The following SLC16A7 variants were observed in gnomAD, a reference collection of about 807,000 sequenced individuals.
SLC16A7 encodes monocarboxylate transporter 2.
Under a neutral mutation model 34.9 loss-of-function variants are expected in SLC16A7, and 33 were observed. The observed-to-expected ratio is 0.94, with a 90% CI of 0.72 to 1.26. SLC16A7 has a LOEUF of 1.26. Among genes scored for constraint, SLC16A7 ranks in the 50% most tolerant of loss-of-function variants. The pLI is 0.00. For missense variants in SLC16A7, 573 were observed against 578.1 expected, an observed-to-expected ratio of 0.99 and a Z score of 0.09; for synonymous variants, 201 against 206.6, an observed-to-expected ratio of 0.97 and a Z score of 0.23.
At chr12:59,671,345 A>G (rs897239293) in intron 2 of SLC16A7, among the ~76,000 whole-genome samples, 1 of 152,142 alleles carries the variant, frequency 6.6e-6, no homozygotes, top group Non-Finnish European at 1.5e-5. Context: ...CATTCTATGA[A>G]TATGTATACT....
chr12:59,771,262 G>A lies in SLC16A7; in HGVS notation c.261G>A (p.Pro87=), dbSNP rs150664550. The A allele has an allele frequency of 3.6e-5, 58 of 1,613,224 alleles. No individual in the cohort carries two copies. The highest frequency in any genetic ancestry group is 1.2e-4 in the Admixed American group (7 of 59,906). ...TGGTGAATAAATACGGCAGCCGGCCGGTGGTGATAGCAGGAGGCTTATTAT... is the reference window on the plus strand; with the variant it reads ...TGGTGAATAAATACGGCAGCCGGCCAGTGGTGATAGCAGGAGGCTTATTAT... The part of the protein sequence containing the change: ...SVLVNKYGSR[P]VVIAGGLLCC... Residue 87 remains proline, a synonymous_variant, in exon 4 of 6, where the codon CCG becomes CCA. Coordinates refer to ENST00000547379, the MANE Select transcript of SLC16A7 (RefSeq NM_001270623.2).
At chr12:59,687,569 G>T (rs1486632671) in intron 2 of SLC16A7, among the ~76,000 whole-genome samples, 1 of 151,986 alleles carries the variant, frequency 6.6e-6, no homozygotes, top group Non-Finnish European at 1.5e-5. Flanking sequence ...TTTGTTTTAT[G>T]CACCCTAGCT....
At chr12:59,723,933 A>G (rs144488191) in intron 3 of SLC16A7, among the ~76,000 whole-genome samples, 241 of 152,056 alleles carry the variant, frequency 1.6e-3, no homozygotes, top group African/African-American at 5.6e-3. Flanking sequence ...TATTTTACCA[A>G]TTTTCATCTT....
chr12:59,688,523 A>G (rs560493450), intron 2 of SLC16A7, among the ~76,000 whole-genome samples: 3 of 152,218 alleles, frequency 2.0e-5, no homozygotes, highest in East Asian at 1.9e-4. Context: ...GTGAAAATGC[A>G]TATTAAATTG....
chr12:59,669,059 A>G (rs554431722), intron 2 of SLC16A7, among the ~76,000 whole-genome samples: 317 of 152,234 alleles, frequency 2.1e-3, no homozygotes, highest in Non-Finnish European at 3.8e-3. Flanking sequence ...CCAGTCTTGA[A>G]TGTGTCTTTA....
chr12:59,612,755 G>A (rs536724154), intron 1 of SLC16A7, among the ~76,000 whole-genome samples: 15 of 152,156 alleles, frequency 9.9e-5, no homozygotes, highest in Non-Finnish European at 1.6e-4. Context: ...AGGGGCAAAT[G>A]CTACCAGTCT....
chr12:59,699,531 C>A (rs943643625), intron 2 of SLC16A7, among the ~76,000 whole-genome samples: 1 of 151,618 alleles, frequency 6.6e-6, no homozygotes, highest in Non-Finnish European at 1.5e-5. Flanking sequence ...TAATTCCTGT[C>A]CAGTATCTCT....
chr12:59,693,786 C>T (rs1871947522), intron 2 of SLC16A7, among the ~76,000 whole-genome samples: 2 of 151,730 alleles, frequency 1.3e-5, no homozygotes, highest in South Asian at 2.1e-4. Flanking sequence ...GGAATAAAAT[C>T]GAAGAAGTAT....
chr12:59,650,880 A>G (rs1302460824), intron 1 of SLC16A7, among the ~76,000 whole-genome samples: 1 of 152,168 alleles, frequency 6.6e-6, no homozygotes, highest in Admixed American at 6.6e-5. Context: ...TCTTAATTGT[A>G]TGTAAAAATA....
At chr12:59,672,815 G>A (rs1870000276) in intron 2 of SLC16A7, among the ~76,000 whole-genome samples, 1 of 152,024 alleles carries the variant, frequency 6.6e-6, no homozygotes, top group Non-Finnish European at 1.5e-5. Context: ...ATATGCATTG[G>A]ATTCTAATTG....
intron 1 of SLC16A7, among the ~76,000 whole-genome samples, chr12:59,636,009 A>T: frequency 6.6e-6 from 1 of 151,942 alleles, no homozygotes; most frequent in African/African-American, 2.4e-5. Context: ...CTGTAAAAAA[A>T]AAAAAAAAAA....
chr12:59,731,570 A>C (rs1437121919), intron 3 of SLC16A7, among the ~76,000 whole-genome samples: 1 of 152,180 alleles, frequency 6.6e-6, no homozygotes, highest in East Asian at 1.9e-4. Flanking sequence ...AAGAACTTTG[A>C]ATTTAAAATA....
rs1387419561 is a variant in SLC16A7 at position 59,780,389 on chromosome 12, G to C, written c.*710G>C. The C allele has an allele frequency of 6.6e-6, 1 of 151,938 alleles. No individual in the cohort carries two copies. Among genetic ancestry groups the C allele is most frequent in the Non-Finnish European group, 1.5e-5 (1 of 67,958 alleles). 9.4% of individuals were successfully genotyped at this position (151,938 alleles called of 1,614,324 possible). The stretch of plus-strand genomic sequence containing the variant: ...TATTTGCATATATAAGTTTGACAAA[G>C]AAAAGAAAATCAATGTTAAACCATT... On this transcript the variant is annotated 3_prime_UTR_variant, in exon 6 of 6. Transcript: ENST00000547379.
intron 2 of SLC16A7, among the ~76,000 whole-genome samples, chr12:59,677,910 G>A (rs1035940911): frequency 1.3e-5 from 2 of 152,210 alleles, no homozygotes; most frequent in Non-Finnish European, 2.9e-5. Flanking sequence ...AGAAACCTCT[G>A]TGGCTGGTGG....
At chr12:59,754,933 G>T (rs1236248794) in intron 3 of SLC16A7, among the ~76,000 whole-genome samples, 1 of 152,198 alleles carries the variant, frequency 6.6e-6, no homozygotes, top group East Asian at 1.9e-4. Context: ...TTCATCCCTG[G>T]GATGCAAGGC....
chr12:59,774,623 G>A (rs1450237012), intron 4 of SLC16A7, 34 bp from the exon 5 acceptor site: 11 of 1,354,496 alleles, frequency 8.1e-6, no homozygotes, highest in Non-Finnish European at 1.1e-5. Flanking sequence ...TAATGTGTTT[G>A]TGTTTTCCCC....
intron 2 of SLC16A7, among the ~76,000 whole-genome samples, chr12:59,690,275 A>G (rs755824057): frequency 1.3e-5 from 2 of 152,008 alleles, no homozygotes; most frequent in Non-Finnish European, 2.9e-5. Flanking sequence ...TCTCCTTTTC[A>G]GGAGGGGAGC....
At chr12:59,658,163 G>T (rs1198572227) in intron 2 of SLC16A7, among the ~76,000 whole-genome samples, 1 of 151,946 alleles carries the variant, frequency 6.6e-6, no homozygotes, top group Admixed American at 6.6e-5. Flanking sequence ...TAATCACATG[G>T]TGTGTTTTAG....
At chr12:59,709,166 A>T (rs1873932869) in intron 3 of SLC16A7, among the ~76,000 whole-genome samples, 1 of 151,664 alleles carries the variant, frequency 6.6e-6, no homozygotes, top group Non-Finnish European at 1.5e-5. Context: ...GTTACTGGCG[A>T]CAGATTTGGA....
Sources: allele counts gnomAD v4.1 joint callset (sites outside exome capture counted in the v4.1 genomes callset), GRCh38; gene constraint gnomAD v4.1.1; transcripts MANE v1.5; gene names NCBI Gene and HGNC (gene_info 2026-07-23, HGNC 2026-07-21).